Variants in NME9 observed in about 807,000 individuals in gnomAD.
NME9 encodes the protein thioredoxin domain-containing protein 6.
NME9 carries 48 observed loss-of-function variants against 44.4 expected under a neutral mutation model. The observed-to-expected ratio is 1.08, with a 90% CI of 0.86 to 1.37. NME9 has a LOEUF of 1.37. NME9 is among the 40% of genes most tolerant of loss of function. NME9 has a pLI of 0.00. For synonymous variants in NME9, 139 were observed against 147.1 expected, an observed-to-expected ratio of 0.94 and a Z score of 0.40; for missense variants, 325 against 405.2, an observed-to-expected ratio of 0.80 and a Z score of 1.70.
chr3:138,309,302 C>CA (rs35216977), intron 6 of NME9, among the ~76,000 whole-genome samples: 101,085 of 140,892 alleles, frequency 0.72, 34,847 homozygotes, highest in East Asian at 0.85. Context: ...TCATCTCAAA[C>CA]AAAAAAAAAA....
chr3:138,295,891 G>A (rs377213361), intron 8 of NME9: 1 of 1,613,656 alleles, frequency 6.2e-7, no homozygotes, highest in Non-Finnish European at 8.5e-7. Flanking sequence ...TACCTGGCAT[G>A]ATGGGAGTGC....
intron 8 of NME9, among the ~76,000 whole-genome samples, chr3:138,277,320 G>GA (rs2049394245): frequency 6.6e-6 from 1 of 152,166 alleles, no homozygotes; most frequent in African/African-American, 2.4e-5. Context: ...AAATGCAGGA[G>GA]AAAATCTTTG....
intron 8 of NME9, among the ~76,000 whole-genome samples, chr3:138,286,474 T>C (rs559487127): frequency 1.3e-5 from 2 of 152,290 alleles, no homozygotes; most frequent in South Asian, 4.1e-4. Flanking sequence ...CCTGGAAATA[T>C]CCTTTTCTCT....
rs2053329861 is a variant in NME9 at position 138,319,572 on chromosome 3, A to G, written c.101T>C (p.Val34Ala). The change falls in exon 3 of 11, where the codon GTC becomes GCC. Residue 34 changes from valine to alanine, a missense_variant. Coordinates refer to ENST00000333911, the MANE Select transcript of NME9 (RefSeq NM_001349018.2). Reference sequence around the variant, plus strand: ...GCAGGGGCCACACCAGCCTTGATAGACATCAACAACTGTGTGGAACCAAGA... The same window carrying G: ...GCAGGGGCCACACCAGCCTTGATAGGCATCAACAACTGTGTGGAACCAAGA... ...LSSKGLTVVD[V>A]YQGWCGPCKP... is the part of the protein sequence containing the mutation. The G allele has an allele frequency of 2.5e-6, 4 of 1,599,336 alleles. No homozygotes were observed. Among genetic ancestry groups the G allele is most frequent in the Non-Finnish European group, 3.4e-6 (4 of 1,166,720 alleles).
At chr3:138,285,385 A>G (rs1225171962) in intron 8 of NME9, among the ~76,000 whole-genome samples, 1 of 152,172 alleles carries the variant, frequency 6.6e-6, no homozygotes, top group Non-Finnish European at 1.5e-5. Context: ...GTCAAGTCCT[A>G]CGTGACCTAA....
intron 8 of NME9, chr3:138,263,824 AT>A: frequency 6.2e-7 from 1 of 1,613,504 alleles, no homozygotes; most frequent in Non-Finnish European, 8.5e-7. Context: ...GCCGTCAGGT[AT>A]GAGCTTTAAA....
intron 8 of NME9, among the ~76,000 whole-genome samples, chr3:138,295,222 C>G (rs181414935): frequency 6.3e-4 from 96 of 152,192 alleles, no homozygotes; most frequent in Non-Finnish European, 1.2e-3. Context: ...TTCCTTTCCA[C>G]CTGGCCACCT....
At chr3:138,315,475 C>T (rs114513863) in intron 5 of NME9, 52 bp downstream of exon 5, 6 of 1,245,336 alleles carry the variant, frequency 4.8e-6, no homozygotes, top group Non-Finnish European at 1.1e-6. Context: ...GCTGATCTCG[C>T]CCTACTAGCG....
chr3:138,281,217 GGTGT>G (rs149949088), intron 8 of NME9, among the ~76,000 whole-genome samples: 4 of 149,830 alleles, frequency 2.7e-5, no homozygotes, highest in African/African-American at 9.8e-5. Context: ...TAATGGTGTG[GGTGT>G]GTGTGTGTGT....
chr3:138,266,086 T>C (rs2108276677), intron 8 of NME9, among the ~76,000 whole-genome samples: 1 of 152,318 alleles, frequency 6.6e-6, no homozygotes, highest in South Asian at 2.1e-4. Context: ...TAACAACTTA[T>C]TTTCAGTGGG....
intron 1 of NME9, among the ~76,000 whole-genome samples, chr3:138,325,175 G>T (rs940096849): frequency 5.9e-5 from 9 of 151,958 alleles, no homozygotes; most frequent in African/African-American, 2.2e-4. Context: ...CATGTTATTT[G>T]TCCAGGAACA....
chr3:138,306,317 C>A, intron 7 of NME9, 81 bp downstream of exon 7: 1 of 1,062,164 alleles, frequency 9.4e-7, no homozygotes, highest in Non-Finnish European at 1.5e-6. Context: ...ACTAAGATAT[C>A]ACTGCCCAGT....
intron 8 of NME9, among the ~76,000 whole-genome samples, chr3:138,286,344 T>C (rs1179005567): frequency 2.0e-5 from 3 of 152,184 alleles, no homozygotes; most frequent in Non-Finnish European, 2.9e-5. Flanking sequence ...TCTACCCCCA[T>C]CATTCAACTG....
intron 6 of NME9, among the ~76,000 whole-genome samples, chr3:138,307,596 G>A (rs960625382): frequency 1.3e-5 from 2 of 152,118 alleles, no homozygotes; most frequent in African/African-American, 2.4e-5. Context: ...TATTTCTAAC[G>A]TGTTATGAAT....
At chr3:138,308,391 G>A (rs147499723) in intron 6 of NME9, among the ~76,000 whole-genome samples, 65 of 152,114 alleles carry the variant, frequency 4.3e-4, no homozygotes, top group African/African-American at 1.2e-3. Flanking sequence ...AAGAGACACC[G>A]TCCCAGCAAC....
intron 8 of NME9, among the ~76,000 whole-genome samples, chr3:138,282,838 C>A (rs376287717): frequency 6.6e-6 from 1 of 152,062 alleles, no homozygotes; most frequent in African/African-American, 2.4e-5. Flanking sequence ...CTCATGTCTG[C>A]CCCTTCATAA....
At chr3:138,261,567 A>T (rs966712944) in exon 9 of NME9, 1 of 152,212 alleles carries the variant, frequency 6.6e-6, no homozygotes, top group African/African-American at 2.4e-5. Flanking sequence ...TTTAAGTCAC[A>T]GTATTGTTAT....
At chr3:138,274,798 C>T (rs936210601) in intron 8 of NME9, among the ~76,000 whole-genome samples, 2 of 152,208 alleles carry the variant, frequency 1.3e-5, no homozygotes, top group African/African-American at 2.4e-5. Context: ...CCTGTCTCTA[C>T]AGGAGCAGTC....
chr3:138,273,022 G>A (rs2108306295), intron 8 of NME9: 1 of 1,612,474 alleles, frequency 6.2e-7, no homozygotes, highest in Non-Finnish European at 8.5e-7. Flanking sequence ...CGAAGCTTGA[G>A]TACTGAACAG....
Sources: allele counts gnomAD v4.1 joint callset (sites outside exome capture counted in the v4.1 genomes callset), GRCh38; gene constraint gnomAD v4.1.1; transcripts MANE v1.5; gene names NCBI Gene and HGNC (gene_info 2026-07-23, HGNC 2026-07-21).